Variants in CTNND2 observed in about 807,000 individuals in gnomAD.
The protein encoded by CTNND2 is catenin delta 2, also known as catenin delta-2.
In CTNND2, 22 loss-of-function variants were observed where a neutral mutation model predicts 144.4. That is an observed-to-expected ratio of 0.15 (90% CI 0.11 to 0.22). The LOEUF is 0.22. Among genes scored for constraint, CTNND2 ranks in the 10% least tolerant of loss-of-function variants. CTNND2 has a pLI of 1.00. For synonymous variants in CTNND2, 751 were observed against 695.6 expected (o/e 1.08, Z -1.25); for missense variants, 1,353 against 1,618.8 (o/e 0.84, Z 2.82).
chr5:11,142,573 T>C (rs545379742), intron 12 of CTNND2, among the ~76,000 whole-genome samples: 3 of 151,564 alleles, frequency 2.0e-5, no homozygotes, highest in Admixed American at 6.6e-5. Flanking sequence ...AGACAGGCTG[T>C]GGTACTGGAA....
intron 9 of CTNND2, among the ~76,000 whole-genome samples, chr5:11,294,463 C>T (rs1224638591): frequency 6.6e-6 from 1 of 152,120 alleles, no homozygotes; most frequent in Non-Finnish European, 1.5e-5. Flanking sequence ...AAGCTCCTCG[C>T]TTTATGGAAA....
intron 1 of CTNND2, among the ~76,000 whole-genome samples, chr5:11,775,423 C>G (rs28670276): frequency 0.076 from 11,616 of 152,194 alleles, 1,174 homozygotes; most frequent in African/African-American, 0.23. Context: ...GAGGATAAGA[C>G]GAGAGAAGCA....
intron 21 of CTNND2, among the ~76,000 whole-genome samples, chr5:10,979,904 C>G (rs1737003752): frequency 6.6e-6 from 1 of 152,126 alleles, no homozygotes; most frequent in Non-Finnish European, 1.5e-5. Context: ...AAAATCAACT[C>G]AAGATGTATC....
At chr5:11,441,368 ATTTTT>A (rs774610481) in intron 3 of CTNND2, among the ~76,000 whole-genome samples, 20 of 98,762 alleles carry the variant, frequency 2.0e-4, no homozygotes, top group African/African-American at 7.0e-4. Context: ...CCAATGTGGG[ATTTTT>A]TTTTTTTTTT....
At chr5:11,709,682 GAAACGGTAGAC>G (rs1220428458) in intron 2 of CTNND2, among the ~76,000 whole-genome samples, 2 of 151,868 alleles carry the variant, frequency 1.3e-5, no homozygotes, top group Non-Finnish European at 2.9e-5. Flanking sequence ...CATCATTTAA[GAAACGGTAGAC>G]AAAGTATTGA....
chr5:10,976,707 C>T (rs61752687), intron 21 of CTNND2, among the ~76,000 whole-genome samples: 2,522 of 152,312 alleles, frequency 0.017, 44 homozygotes, highest in Non-Finnish European at 0.02. Context: ...TGACACCTTC[C>T]AACTCTGTTA....
intron 9 of CTNND2, among the ~76,000 whole-genome samples, chr5:11,314,672 T>C (rs1274192940): frequency 6.6e-6 from 1 of 152,236 alleles, no homozygotes; most frequent in Non-Finnish European, 1.5e-5. Flanking sequence ...TGGCCCAGAC[T>C]GGCTTTTTAA....
chr5:11,845,264 C>T (rs1384189492), intron 1 of CTNND2, among the ~76,000 whole-genome samples: 1 of 152,114 alleles, frequency 6.6e-6, no homozygotes, highest in Admixed American at 6.5e-5. Flanking sequence ...CTATATCACT[C>T]ACCCCCAGCA....
At chr5:11,223,251 T>C (rs1473083270) in intron 10 of CTNND2, among the ~76,000 whole-genome samples, 1 of 152,176 alleles carries the variant, frequency 6.6e-6, no homozygotes, top group Non-Finnish European at 1.5e-5. Context: ...CCTGCCCTTG[T>C]CCATCTTCCT....
chr5:11,647,498 T>G (rs1208495716), intron 2 of CTNND2, among the ~76,000 whole-genome samples: 1 of 151,938 alleles, frequency 6.6e-6, no homozygotes, highest in Admixed American at 6.6e-5. Context: ...GTGGCTTCCA[T>G]GCAAGCCACT....
At chr5:11,761,684 G>A (rs933283897) in intron 1 of CTNND2, among the ~76,000 whole-genome samples, 1 of 152,146 alleles carries the variant, frequency 6.6e-6, no homozygotes, top group Admixed American at 6.5e-5. Flanking sequence ...CAACTCTAGT[G>A]CAGAGGATGA....
At chr5:10,992,344 C>T (rs1395530747) in intron 19 of CTNND2, among the ~76,000 whole-genome samples, 1 of 152,178 alleles carries the variant, frequency 6.6e-6, no homozygotes, top group African/African-American at 2.4e-5. Flanking sequence ...GCATAAGAAC[C>T]TGTTAGAGAA....
intron 2 of CTNND2, among the ~76,000 whole-genome samples, chr5:11,608,136 G>A (rs1473629325): frequency 6.6e-6 from 1 of 152,084 alleles, no homozygotes; most frequent in South Asian, 2.1e-4. Flanking sequence ...CCACAGCAGT[G>A]GAAGCTATGA....
intron 1 of CTNND2, among the ~76,000 whole-genome samples, chr5:11,886,650 T>C (rs1736555770): frequency 6.6e-6 from 1 of 152,160 alleles, no homozygotes; most frequent in Non-Finnish European, 1.5e-5. Context: ...ATTTGCTAAA[T>C]CTAGCAACCC....
At chr5:11,265,242 ACAAT>A (rs1745317489) in intron 9 of CTNND2, among the ~76,000 whole-genome samples, 1 of 152,216 alleles carries the variant, frequency 6.6e-6, no homozygotes, top group Non-Finnish European at 1.5e-5. Flanking sequence ...AGTGTCTCAA[ACAAT>A]CTGTGTATAG....
At chr5:11,781,562 T>C (rs1239385572) in intron 1 of CTNND2, among the ~76,000 whole-genome samples, 1 of 152,246 alleles carries the variant, frequency 6.6e-6, no homozygotes, top group East Asian at 1.9e-4. Flanking sequence ...TGCATGATGT[T>C]CTTTGAACAC....
At chr5:11,094,890 G>C (rs1276614542) in intron 15 of CTNND2, among the ~76,000 whole-genome samples, 1 of 152,058 alleles carries the variant, frequency 6.6e-6, no homozygotes, top group Non-Finnish European at 1.5e-5. Flanking sequence ...AGACCTTTCT[G>C]CCATTTTCCT....
intron 1 of CTNND2, among the ~76,000 whole-genome samples, chr5:11,815,748 AC>A (rs1005640251): frequency 5.9e-5 from 9 of 152,114 alleles, no homozygotes; most frequent in African/African-American, 1.9e-4. Flanking sequence ...AAAAGCCCAA[AC>A]AGGTTCACAT....
At chr5:11,299,860 C>T (rs139940931) in intron 9 of CTNND2, among the ~76,000 whole-genome samples, 76 of 152,268 alleles carry the variant, frequency 5.0e-4, no homozygotes, top group African/African-American at 1.8e-3. Flanking sequence ...TAACCAGGGG[C>T]TGGTAAGGGA....
Sources: gnomAD v4.1 joint callset for allele counts (sites outside exome capture counted in the v4.1 genomes callset) on GRCh38, gnomAD v4.1.1 for gene constraint, MANE v1.5 for transcripts, NCBI Gene and HGNC (gene_info 2026-07-23, HGNC 2026-07-21) for gene names.